Variants in SLC4A4 observed in about 807,000 individuals in gnomAD.
SLC4A4 encodes electrogenic sodium bicarbonate cotransporter 1.
In SLC4A4, 27 loss-of-function variants were observed where a neutral mutation model predicts 111.5. That is an observed-to-expected ratio of 0.24 (90% confidence interval 0.18 to 0.33). The LOEUF (loss-of-function observed/expected upper bound fraction) is 0.33, where lower values mean the gene tolerates loss of function less well. Among genes scored for constraint, SLC4A4 ranks in the 10% least tolerant of loss-of-function variants. SLC4A4 has a pLI of 1.00. For missense variants in SLC4A4, 909 were observed against 1,315.5 expected, an observed-to-expected ratio of 0.69 and a Z score of 4.78; for synonymous variants, 443 against 463.4, an observed-to-expected ratio of 0.96 and a Z score of 0.57.
At position 71,546,489 on chromosome 4, in the gene SLC4A4, C is replaced by T; in HGVS notation, c.2582C>T (p.Thr861Ile). ...GACAGTTTGAAGATGGAGACAGAGACTTCTGCACCTGGAGAACAACCAAAG... is the reference window on the plus strand; with the variant it reads ...GACAGTTTGAAGATGGAGACAGAGATTTCTGCACCTGGAGAACAACCAAAG... ...HIDSLKMETE[T>I]SAPGEQPKFL... is the part of the protein sequence containing the mutation. Residue 861 changes from threonine to isoleucine, a missense_variant, in exon 19 of 26, where the codon ACT becomes ATT. Transcript: ENST00000264485. 1 of 1,612,618 alleles carries T rather than the reference C, an allele frequency of 6.2e-7. No individual in the cohort carries two copies. Among genetic ancestry groups the T allele is most frequent in the Non-Finnish European group, 8.5e-7 (1 of 1,179,038 alleles).
intron 2 of SLC4A4, among the ~76,000 whole-genome samples, chr4:71,110,694 C>T (rs1743061361): frequency 6.6e-6 from 1 of 152,106 alleles, no homozygotes; most frequent in Admixed American, 6.6e-5. Flanking sequence ...TAAGGCTATC[C>T]ATGTTTACTC....
intron 1 of SLC4A4, among the ~76,000 whole-genome samples, chr4:71,209,820 A>G (rs916748275): frequency 1.3e-5 from 2 of 152,084 alleles, no homozygotes; most frequent in Non-Finnish European, 2.9e-5. Context: ...ATTATGATGT[A>G]TTTTTGGATT....
At chr4:71,102,727 T>G (rs1461664857) in intron 2 of SLC4A4, among the ~76,000 whole-genome samples, 1 of 146,728 alleles carries the variant, frequency 6.8e-6, no homozygotes, top group African/African-American at 2.5e-5. Context: ...TGCTGAGAGA[T>G]TTTGTCACCA....
chr4:71,175,417 TC>T (rs1395887417), intron 2 of SLC4A4, among the ~76,000 whole-genome samples: 40 of 152,332 alleles, frequency 2.6e-4, no homozygotes, highest in African/African-American at 9.1e-4. Context: ...GTCAGGGAAT[TC>T]CCTTTCCTAG....
chr4:71,076,018 CAACCTGCCCCTGT>C lies in SLC4A4; in HGVS notation c.-65+13231_-65+13243del, dbSNP rs145641422. Among the ~76,000 whole-genome samples the C allele has an allele frequency of 7.8e-3, 1,172 of 150,002 alleles. 19 individuals carry two copies. The highest frequency in any genetic ancestry group is 0.027 in the African/African-American group (1,133 of 41,238). On this transcript the variant is annotated intron_variant, in intron 1 of 26. Coordinates refer to the SLC4A4 transcript ENST00000649996. ...ATAAATAAATAAATAGCAATCCCGT[CAACCTGCCCCTGT>C]TTCCCCTTACCTATCTTACCCTACT... is the stretch of plus-strand genomic sequence containing the variant.
At chr4:71,500,100 C>CT in intron 16 of SLC4A4, among the ~76,000 whole-genome samples, 1 of 152,166 alleles carries the variant, frequency 6.6e-6, no homozygotes, top group East Asian at 1.9e-4. Context: ...TATCTTTTGT[C>CT]TTTTTGATAA....
At chr4:71,207,967 C>A (rs761881053) in intron 1 of SLC4A4, among the ~76,000 whole-genome samples, 9 of 152,124 alleles carry the variant, frequency 5.9e-5, no homozygotes, top group Non-Finnish European at 1.3e-4. Flanking sequence ...CACGTGCTAC[C>A]TTGCCCAGCT....
chr4:71,442,597 A>G (rs145479971), intron 8 of SLC4A4, among the ~76,000 whole-genome samples: 3 of 152,192 alleles, frequency 2.0e-5, no homozygotes, highest in Non-Finnish European at 4.4e-5. Context: ...GGAATGTGGT[A>G]GGCATGGTGA....
At chr4:71,089,223 T>G (rs1328402631) in intron 1 of SLC4A4, among the ~76,000 whole-genome samples, 1 of 152,084 alleles carries the variant, frequency 6.6e-6, no homozygotes, top group African/African-American at 2.4e-5. Flanking sequence ...GTCACATAGT[T>G]TTGTGCCATG....
intron 1 of SLC4A4, among the ~76,000 whole-genome samples, chr4:71,069,591 T>G (rs1474485358): frequency 6.6e-6 from 1 of 152,178 alleles, no homozygotes; most frequent in East Asian, 1.9e-4. Flanking sequence ...CTCTCATATA[T>G]TTTCCAAATT....
Position 71,567,951 on chromosome 4 carries a change from C to A in SLC4A4, c.*200C>A. The A allele has an allele frequency of 9.5e-7, 1 of 1,056,298 alleles. No homozygotes were observed. Among genetic ancestry groups the A allele is most frequent in the Middle Eastern group, 2.1e-4 (1 of 4,684 alleles). The allele number at this position is 1,056,298 out of a possible 1,614,324, so 65.4% of individuals were successfully genotyped here. ...GTTAATGTCATTTGTTTTTGTTTGG[C>A]TGTTTGTTTATTTTTTAACTTTTAT... is the stretch of plus-strand genomic sequence containing the variant. On this transcript the variant is annotated 3_prime_UTR_variant, in exon 26 of 26. Transcript: ENST00000264485.
chr4:71,548,012 A>G (rs76789875), intron 20 of SLC4A4, among the ~76,000 whole-genome samples: 1 of 151,930 alleles, frequency 6.6e-6, no homozygotes, highest in African/African-American at 2.4e-5. Context: ...CAATTGAATC[A>G]GACTGATCTT....
chr4:71,522,240 C>A (rs1312934087), intron 16 of SLC4A4, among the ~76,000 whole-genome samples: 5 of 152,146 alleles, frequency 3.3e-5, no homozygotes, highest in African/African-American at 7.2e-5. Context: ...AGTCTTTAGT[C>A]AAATTCTTTC....
intron 6 of SLC4A4, among the ~76,000 whole-genome samples, chr4:71,382,641 T>G (rs1035622032): frequency 3.9e-5 from 6 of 152,164 alleles, no homozygotes; most frequent in Admixed American, 3.9e-4. Flanking sequence ...ACTCAAAGTA[T>G]GTAAATGGAT....
At chr4:71,299,372 T>C (rs1421971069) in intron 3 of SLC4A4, among the ~76,000 whole-genome samples, 1 of 152,220 alleles carries the variant, frequency 6.6e-6, no homozygotes, top group African/African-American at 2.4e-5. Context: ...GAGCTACAGG[T>C]ACCTGGTCAG....
chr4:71,327,254 C>T (rs956991184), intron 3 of SLC4A4, among the ~76,000 whole-genome samples: 3 of 152,042 alleles, frequency 2.0e-5, no homozygotes, highest in African/African-American at 7.2e-5. Flanking sequence ...TACTTTCTGA[C>T]TATTTCATAT....
At chr4:71,084,973 T>A (rs1742115505) in intron 1 of SLC4A4, among the ~76,000 whole-genome samples, 1 of 152,110 alleles carries the variant, frequency 6.6e-6, no homozygotes, top group Non-Finnish European at 1.5e-5. Context: ...CCCTGAGGAA[T>A]CGCCACACTA....
chr4:71,416,977 A>C (rs1721881258), intron 7 of SLC4A4, among the ~76,000 whole-genome samples: 1 of 152,172 alleles, frequency 6.6e-6, no homozygotes, highest in African/African-American at 2.4e-5. Flanking sequence ...GAACTCGTAA[A>C]GGCCCTTTGC....
chr4:71,155,790 ATTG>A (rs1418535401), intron 2 of SLC4A4, among the ~76,000 whole-genome samples: 3 of 151,912 alleles, frequency 2.0e-5, no homozygotes, highest in African/African-American at 7.3e-5. Flanking sequence ...TTTCTGTTTT[ATTG>A]TTGTTTTTTG....
Sources: allele counts gnomAD v4.1 joint callset (sites outside exome capture counted in the v4.1 genomes callset), GRCh38; gene constraint gnomAD v4.1.1; transcripts MANE v1.5; gene names NCBI Gene and HGNC (gene_info 2026-07-23, HGNC 2026-07-21).